Variants in FOXP2 observed in about 807,000 individuals in gnomAD.
The protein encoded by FOXP2 is forkhead box P2, also known as forkhead box protein P2.
A neutral mutation model predicts 115.8 loss-of-function variants in FOXP2; 12 were observed. That is an observed-to-expected ratio of 0.10 (90% CI 0.07 to 0.17). The LOEUF (loss-of-function observed/expected upper bound fraction) is 0.17, where lower values mean the gene tolerates loss of function less well. Ranked by LOEUF, FOXP2 falls within the 10% of genes least tolerant of loss-of-function variation. The pLI, the probability that FOXP2 is intolerant of heterozygous loss-of-function variation, is 1.00. For synonymous variants in FOXP2, 328 were observed against 297.7 expected (o/e 1.10, Z -1.05); for missense variants, 629 against 843.5 (o/e 0.75, Z 3.15).
chr7:114,146,281 C>T (rs1185184634), intron 1 of FOXP2, among the ~76,000 whole-genome samples: 11 of 152,160 alleles, frequency 7.2e-5, no homozygotes, highest in South Asian at 6.2e-4. Flanking sequence ...ACATGCTTAG[C>T]GTTCCAATAA....
rs574774782 is a variant in FOXP2, at chr7:114,172,249, G to A, written c.-102+9161G>A. 4.6e-5 allele frequency among the ~76,000 whole-genome samples: 7 copies of A among 152,190 alleles called. No individual in the cohort carries two copies. In the East Asian group the frequency reaches 1.3e-3, roughly 29 times the overall value. On this transcript the variant is annotated intron_variant, in intron 1 of 17. Transcript: ENST00000634411. ...TGCTTTATTGTGATACTTTATTACG[G>A]TAGTCTGATAACTGAACCTGCGATA...
At chr7:114,301,171 C>G (rs1246015635) in intron 2 of FOXP2, among the ~76,000 whole-genome samples, 2 of 151,944 alleles carry the variant, frequency 1.3e-5, no homozygotes, top group East Asian at 3.8e-4. Context: ...GATACATAGA[C>G]CATCATTAGT....
chr7:114,592,315 TC>T (rs1417735980), intron 3 of FOXP2, among the ~76,000 whole-genome samples: 1 of 152,020 alleles, frequency 6.6e-6, no homozygotes, highest in African/African-American at 2.4e-5. Context: ...TTTTGAATTC[TC>T]CCCATATGCT....
At chr7:114,159,789 A>G (rs922099890), upstream of FOXP2, among the ~76,000 whole-genome samples, 2 of 152,230 alleles carry the variant, frequency 1.3e-5, no homozygotes, top group Non-Finnish European at 2.9e-5. Context: ...ATCAACTTGC[A>G]AAAGACAGAT....
intron 1 of FOXP2, among the ~76,000 whole-genome samples, chr7:114,174,273 C>G (rs191494613): frequency 2.6e-5 from 4 of 151,858 alleles, no homozygotes; most frequent in Non-Finnish European, 5.9e-5. Flanking sequence ...TATGTAGCCA[C>G]TTATTCTATT....
upstream of FOXP2, among the ~76,000 whole-genome samples, chr7:114,412,372 C>T (rs958495268): frequency 6.6e-6 from 1 of 152,062 alleles, no homozygotes; most frequent in African/African-American, 2.4e-5. Flanking sequence ...TCTTTAATAA[C>T]CTGGAGTTAT....
At chr7:114,647,905 G>A (rs1206679528) in intron 8 of FOXP2, among the ~76,000 whole-genome samples, 5 of 151,964 alleles carry the variant, frequency 3.3e-5, no homozygotes, top group Non-Finnish European at 1.5e-5. Flanking sequence ...ACAAAACATG[G>A]TCTGAGATAC....
intron 2 of FOXP2, among the ~76,000 whole-genome samples, chr7:114,476,885 C>G (rs1796295009): frequency 6.6e-6 from 1 of 151,686 alleles, no homozygotes; most frequent in African/African-American, 2.4e-5. Flanking sequence ...TGTAAATGGC[C>G]AAATAATATG....
intron 1 of FOXP2, among the ~76,000 whole-genome samples, chr7:114,153,579 T>A (rs1335664106): frequency 6.6e-6 from 1 of 152,168 alleles, no homozygotes; most frequent in Non-Finnish European, 1.5e-5. Flanking sequence ...TTTCCTGACC[T>A]TTTAACCTTG....
chr7:114,672,931 A>C (rs942882187), intron 16 of FOXP2, among the ~76,000 whole-genome samples: 1 of 152,226 alleles, frequency 6.6e-6, no homozygotes, highest in Admixed American at 6.5e-5. Context: ...CATCCAAAAG[A>C]GCGGCCACAG....
At chr7:114,418,884 C>A (rs1264346679) in intron 1 of FOXP2, among the ~76,000 whole-genome samples, 1 of 151,774 alleles carries the variant, frequency 6.6e-6, no homozygotes, top group East Asian at 1.9e-4. Context: ...TGACTTTCTT[C>A]TAAATTGGAA....
chr7:114,370,349 C>T (rs547267682), intron 2 of FOXP2, among the ~76,000 whole-genome samples: 10 of 152,330 alleles, frequency 6.6e-5, no homozygotes, highest in Admixed American at 2.6e-4. Context: ...GCAAAAGAGT[C>T]GTGCCCCAAT....
intron 1 of FOXP2, among the ~76,000 whole-genome samples, chr7:114,272,904 A>T (rs1796101816): frequency 6.6e-6 from 1 of 151,354 alleles, no homozygotes; most frequent in Non-Finnish European, 1.5e-5. Flanking sequence ...ACTTTTGTTG[A>T]TTTTTTCTAT....
At chr7:114,683,145 C>T (rs889290288) in intron 16 of FOXP2, among the ~76,000 whole-genome samples, 1 of 152,152 alleles carries the variant, frequency 6.6e-6, no homozygotes, top group African/African-American at 2.4e-5. Flanking sequence ...GGAAAATATT[C>T]CAAGCATACT....
intron 1 of FOXP2, among the ~76,000 whole-genome samples, chr7:114,247,172 C>T (rs1795305371): frequency 6.6e-6 from 1 of 152,088 alleles, no homozygotes; most frequent in Admixed American, 6.6e-5. Flanking sequence ...TAGTATTCTC[C>T]TATATCTTCC....
intron 2 of FOXP2, among the ~76,000 whole-genome samples, chr7:114,303,610 TC>T (rs144030534): frequency 0.011 from 1,599 of 152,276 alleles, 29 homozygotes; most frequent in African/African-American, 0.036. Context: ...AGAGTTTTAC[TC>T]CTTCTGTGTT....
intron 2 of FOXP2, among the ~76,000 whole-genome samples, chr7:114,464,813 C>G (rs1200336126): frequency 2.6e-5 from 4 of 151,886 alleles, no homozygotes; most frequent in Admixed American, 6.6e-5. Flanking sequence ...AAGAACCAAC[C>G]AAACAAACAA....
At chr7:114,231,673 C>T (rs968637843) in intron 1 of FOXP2, among the ~76,000 whole-genome samples, 28 of 152,058 alleles carry the variant, frequency 1.8e-4, no homozygotes, top group African/African-American at 5.5e-4. Flanking sequence ...ATCCACATGC[C>T]GAATAATGAA....
intron 2 of FOXP2, chr7:114,463,095 C>A (rs1056705373): frequency 4.7e-6 from 2 of 426,742 alleles, no homozygotes; most frequent in African/African-American, 2.1e-5. Context: ...GTGGTGCAAT[C>A]ATAACTCACT....
Sources: gnomAD v4.1 joint callset for allele counts (sites outside exome capture counted in the v4.1 genomes callset) on GRCh38, gnomAD v4.1.1 for gene constraint, MANE v1.5 for transcripts, NCBI Gene and HGNC (gene_info 2026-07-23, HGNC 2026-07-21) for gene names.